The following LRRFIP1 variants were observed in gnomAD, a reference collection of about 807,000 sequenced individuals.
LRRFIP1 encodes the protein LRR binding FLII interacting protein 1.
LRRFIP1 carries 62 observed loss-of-function variants against 104.4 expected under a neutral mutation model. That is an observed-to-expected ratio of 0.59 (90% CI 0.48 to 0.73). The LOEUF (loss-of-function observed/expected upper bound fraction) is 0.73, where lower values mean the gene tolerates loss of function less well. Ranked by LOEUF, LRRFIP1 falls within the 30% of genes least tolerant of loss-of-function variation. LRRFIP1 has a pLI of 0.00. For missense variants in LRRFIP1, 796 were observed against 824.5 expected (o/e 0.97, Z 0.42); for synonymous variants, 300 against 299.0 (o/e 1.00, Z -0.03).
intron 1 of LRRFIP1, among the ~76,000 whole-genome samples, chr2:237,684,884 C>G (rs1219605891): frequency 6.8e-6 from 1 of 147,724 alleles, no homozygotes; most frequent in Non-Finnish European, 1.5e-5. Flanking sequence ...CCCAGGAGTT[C>G]AAGATCACCC....
At chr2:237,736,940 T>G (rs1057207463) in intron 10 of LRRFIP1, among the ~76,000 whole-genome samples, 1 of 152,186 alleles carries the variant, frequency 6.6e-6, no homozygotes, top group Non-Finnish European at 1.5e-5. Context: ...GAGCCACCCC[T>G]GCTCTCGGTC....
intron 2 of LRRFIP1, among the ~76,000 whole-genome samples, chr2:237,710,660 A>G (rs2094029427): frequency 1.3e-5 from 2 of 152,234 alleles, no homozygotes; most frequent in African/African-American, 2.4e-5. Flanking sequence ...AAACATATAC[A>G]TATTGATATA....
intron 1 of LRRFIP1, among the ~76,000 whole-genome samples, chr2:237,673,733 A>G (rs116366089): frequency 0.014 from 2,183 of 152,258 alleles, 50 homozygotes; most frequent in African/African-American, 0.049. Flanking sequence ...TTTGGGGACA[A>G]TTCAGATCAT....
At chr2:237,771,103 G>T (rs1338354370) in intron 20 of LRRFIP1, among the ~76,000 whole-genome samples, 1 of 152,074 alleles carries the variant, frequency 6.6e-6, no homozygotes, top group Non-Finnish European at 1.5e-5. Context: ...GGTGTGTGGG[G>T]TAGGAAGGCA....
At chr2:237,758,311 A>C (rs76461320) in intron 17 of LRRFIP1, among the ~76,000 whole-genome samples, 4,831 of 152,254 alleles carry the variant, frequency 0.032, 93 homozygotes, top group Middle Eastern at 0.12. Context: ...GAATCAGTGT[A>C]TAAAAATAGT....
intron 1 of LRRFIP1, among the ~76,000 whole-genome samples, chr2:237,632,646 T>C (rs2082546035): frequency 6.6e-6 from 1 of 152,206 alleles, no homozygotes; most frequent in Non-Finnish European, 1.5e-5. Flanking sequence ...TCTCTTCTCC[T>C]CAAGGCTGTT....
intron 17 of LRRFIP1, among the ~76,000 whole-genome samples, chr2:237,758,306 A>G (rs1417380278): frequency 6.6e-6 from 1 of 152,116 alleles, no homozygotes; most frequent in Non-Finnish European, 1.5e-5. Flanking sequence ...ACCAAGAATC[A>G]GTGTATAAAA....
rs79265368 is a variant in LRRFIP1, at chr2:237,754,797, C to T, written c.1039-1298C>T. Among the ~76,000 whole-genome samples the T allele has an allele frequency of 7.7e-3, 1,166 of 152,344 alleles. 7 individuals are homozygous for T. Among genetic ancestry groups the T allele is most frequent in the Middle Eastern group, 0.034 (10 of 294 alleles). Reference sequence around the variant, plus strand: ...GGAGTGGAGAGCACAGCCCAGCCCCCCTTCGGGTGGGGGCCTGTAATGCAT... The same window carrying T: ...GGAGTGGAGAGCACAGCCCAGCCCCTCTTCGGGTGGGGGCCTGTAATGCAT... On this transcript the variant is annotated intron_variant, in intron 15 of 23. Coordinates refer to ENST00000308482, the MANE Select transcript of LRRFIP1 (RefSeq NM_001137550.2).
intron 1 of LRRFIP1, among the ~76,000 whole-genome samples, chr2:237,643,925 G>T (rs2084449141): frequency 6.6e-6 from 1 of 152,124 alleles, no homozygotes; most frequent in East Asian, 1.9e-4. Flanking sequence ...TGTTCTTTTT[G>T]ATTCCCCTTC....
intron 1 of LRRFIP1, among the ~76,000 whole-genome samples, chr2:237,688,451 T>C (rs1230709905): frequency 2.0e-5 from 2 of 99,210 alleles, no homozygotes; most frequent in South Asian, 3.7e-4. Context: ...CTTTTTTTTT[T>C]TTTTCTTTTT....
intron 1 of LRRFIP1, among the ~76,000 whole-genome samples, chr2:237,647,477 G>T (rs2085113647): frequency 6.6e-6 from 1 of 152,088 alleles, no homozygotes; most frequent in African/African-American, 2.4e-5. Flanking sequence ...ACTGGTGCAG[G>T]GCTAGGAGAG....
At chr2:237,743,024 C>CA (rs1464327971) in intron 11 of LRRFIP1, among the ~76,000 whole-genome samples, 30 of 147,320 alleles carry the variant, frequency 2.0e-4, no homozygotes, top group Admixed American at 1.2e-3. Context: ...GAAACCCCCC[C>CA]AAAAAAACAA....
In LRRFIP1 at chr2:237,779,777, A is replaced by G. The variant is rs1295344730; in HGVS notation, c.*245A>G. 2 of 376,532 alleles carry G rather than the reference A, an allele frequency of 5.3e-6. No individual in the cohort carries two copies. Among genetic ancestry groups the G allele is most frequent in the Non-Finnish European group, 1.0e-5 (2 of 199,850 alleles). 23.3% of individuals were successfully genotyped at this position (376,532 alleles called of 1,614,324 possible). On this transcript the variant is annotated 3_prime_UTR_variant, in exon 24 of 24. Coordinates refer to ENST00000308482, the MANE Select transcript of LRRFIP1 (RefSeq NM_001137550.2). ...GACGCTCAGAACCTGCAGGTACTTC[A>G]TAAGCACACAGGGGCCTCGAGGGAG... is the stretch of plus-strand genomic sequence containing the variant.
At chr2:237,712,298 A>G (rs1318618974) in intron 2 of LRRFIP1, among the ~76,000 whole-genome samples, 1 of 152,158 alleles carries the variant, frequency 6.6e-6, no homozygotes, top group Non-Finnish European at 1.5e-5. Flanking sequence ...TCAGTTCTGT[A>G]CCAACAATAA....
Position 237,703,765 on chromosome 2 carries a change from C to G in LRRFIP1, c.97-4779C>G, listed in dbSNP as rs2149944985. ...CCCTGGAGACTGGGCACCCAAACCA[C>G]ATTTCAGAAATCCCTCCCACTGTCT... On this transcript the variant is annotated intron_variant, in intron 1 of 23. Transcript: ENST00000308482. This position sits in a 1 kb window ranked among gnomAD's most constrained non-coding sequence, Gnocchi z 4.3. Among the ~76,000 whole-genome samples the G allele has an allele frequency of 6.6e-6, 1 of 152,160 alleles. No homozygotes were observed. The highest frequency in any genetic ancestry group is 1.5e-5 in the Non-Finnish European group (1 of 68,004).
At position 237,688,976 on chromosome 2, in the gene LRRFIP1, C is replaced by T. The variant is rs141865536; in HGVS notation, c.97-19568C>T. Reference sequence around the variant, plus strand: ...CACACCCACACCCTGACTTCTGACCCGGCCTTCCCATGCGTCAAGTTTGTG... The same window carrying T: ...CACACCCACACCCTGACTTCTGACCTGGCCTTCCCATGCGTCAAGTTTGTG... On this transcript the variant is annotated intron_variant, in intron 1 of 23. Transcript: ENST00000308482. Among the ~76,000 whole-genome samples, 6 of 144,014 alleles carry T rather than the reference C, an allele frequency of 4.2e-5. No homozygotes were observed. The East Asian group carries it at 5.8e-4, about 14-fold the overall frequency. The allele number at this position is 144,014 out of a possible 152,430, so 94.5% of individuals were successfully genotyped here.
intron 1 of LRRFIP1, among the ~76,000 whole-genome samples, chr2:237,667,421 G>A (rs2089598558): frequency 6.6e-6 from 1 of 152,202 alleles, no homozygotes; most frequent in Non-Finnish European, 1.5e-5. Context: ...ATTCCATGGT[G>A]TCTATGTGCC....
intron 1 of LRRFIP1, among the ~76,000 whole-genome samples, chr2:237,636,411 T>A (rs2083133467): frequency 1.3e-5 from 2 of 150,192 alleles, no homozygotes; most frequent in Non-Finnish European, 3.0e-5. Flanking sequence ...AACTTTACCA[T>A]CCACTCCCTC....
chr2:237,633,511 G>T (rs1174188248), intron 1 of LRRFIP1, among the ~76,000 whole-genome samples: 1 of 152,116 alleles, frequency 6.6e-6, no homozygotes, highest in Non-Finnish European at 1.5e-5. Flanking sequence ...CTCAGGGTTG[G>T]GATGTGTGTG....
Sources: gnomAD v4.1 joint callset for allele counts (sites outside exome capture counted in the v4.1 genomes callset) on GRCh38, gnomAD v4.1.1 for gene constraint, Gnocchi (gnomAD v3.1) non-coding constraint, MANE v1.5 for transcripts, NCBI Gene and HGNC (gene_info 2026-07-23, HGNC 2026-07-21) for gene names.